The following KCNMA1 variants were observed in gnomAD, a reference collection of about 807,000 sequenced individuals.
KCNMA1 encodes the protein potassium calcium-activated channel subfamily M alpha 1.
KCNMA1 carries 29 observed loss-of-function variants against 140.0 expected under a neutral mutation model. That is an observed-to-expected ratio of 0.21 (90% CI 0.15 to 0.28). The LOEUF (loss-of-function observed/expected upper bound fraction) is 0.28. Among genes scored for constraint, KCNMA1 ranks in the 10% least tolerant of loss-of-function variants. The probability of loss-of-function intolerance (pLI) is 1.00; values close to 1 mark genes in which losing one functional copy is unlikely to be tolerated. For missense variants in KCNMA1, 880 were observed against 1,602.2 expected, an observed-to-expected ratio of 0.55 and a Z score of 7.70; for synonymous variants, 612 against 611.9, an observed-to-expected ratio of 1.00 and a Z score of 0.00.
chr10:77,493,194 A>G (rs1434407449), intron 1 of KCNMA1, among the ~76,000 whole-genome samples: 1 of 152,254 alleles, frequency 6.6e-6, no homozygotes, highest in African/African-American at 2.4e-5. Context: ...CTGGCTGCAG[A>G]TCAGGAGACC....
intron 23 of KCNMA1, among the ~76,000 whole-genome samples, chr10:76,931,073 G>C (rs548356273): frequency 2.0e-5 from 3 of 152,280 alleles, no homozygotes; most frequent in African/African-American, 7.2e-5. Flanking sequence ...GTAATGTAAA[G>C]TGTGGTGACT....
chr10:77,252,370 C>T (rs528777249), intron 2 of KCNMA1, among the ~76,000 whole-genome samples: 39 of 152,212 alleles, frequency 2.6e-4, no homozygotes, highest in Non-Finnish European at 5.0e-4. Context: ...GCTGCTAGGT[C>T]AACCTTTCCA....
chr10:76,928,443 G>A (rs956900104), intron 23 of KCNMA1, among the ~76,000 whole-genome samples: 1 of 152,184 alleles, frequency 6.6e-6, no homozygotes, highest in African/African-American at 2.4e-5. Context: ...ACTGGCCAAT[G>A]CTTGGTGTGT....
chr10:76,884,016 A>C (rs2035752717), downstream of KCNMA1: 1 of 981,558 alleles, frequency 1.0e-6, no homozygotes, highest in Admixed American at 6.1e-5. Flanking sequence ...GTGTGCCCAA[A>C]GTCCAGGAAA....
chr10:77,424,409 C>A (rs748551075), intron 1 of KCNMA1, among the ~76,000 whole-genome samples: 1 of 152,182 alleles, frequency 6.6e-6, no homozygotes, highest in Non-Finnish European at 1.5e-5. Context: ...CCCACAGTCA[C>A]AAAGTCAGTA....
At position 76,877,798 on chromosome 10, in the gene KCNMA1, G is replaced by A. The variant is rs766388591; in HGVS notation, c.3520C>T (p.Gln1174Ter). 4 of 1,584,398 alleles carry A rather than the reference G, an allele frequency of 2.5e-6. No homozygotes were observed. Among genetic ancestry groups the A allele is most frequent in the Non-Finnish European group, 3.4e-6 (4 of 1,164,296 alleles). ...ATCAAGCTGCTTGTGGATTTATATT[G>A]GTTGATCTGGTTAGCCATGTGGGTA... The change falls in exon 30 of 30, where the codon CAA becomes TAA. Residue 1174 changes from glutamine (Q) to a stop codon, truncating the protein, a stop_gained. Transcript: ENST00000372403. LOFTEE classifies it high-confidence loss of function.
In KCNMA1 at chr10:77,197,630, T is replaced by C. The variant is rs117556621; in HGVS notation, c.603-12714A>G. Among the ~76,000 whole-genome samples the C allele has an allele frequency of 4.6e-5, 7 of 152,312 alleles. No homozygotes were observed. The East Asian group carries it at 1.4e-3, about 29-fold the overall frequency. Reference sequence around the variant, plus strand: ...AATGCTCGCTGCTTTAATTCATGCATGCGTCCAGTGCTCACCACGTTCAGG... The same window carrying C: ...AATGCTCGCTGCTTTAATTCATGCACGCGTCCAGTGCTCACCACGTTCAGG... On this transcript the variant is annotated intron_variant, in intron 3 of 27. Coordinates refer to ENST00000286628, the MANE Select transcript of KCNMA1 (RefSeq NM_001161352.2).
intron 10 of KCNMA1, among the ~76,000 whole-genome samples, chr10:77,086,831 A>G (rs1270834159): frequency 1.3e-5 from 2 of 152,232 alleles, no homozygotes; most frequent in African/African-American, 2.4e-5. Context: ...TAGGAAGGCC[A>G]AGACCTCAGG....
intron 13 of KCNMA1, 48 bp from the exon 14 acceptor site, chr10:77,073,300 A>G: frequency 6.3e-7 from 1 of 1,589,404 alleles, no homozygotes; most frequent in Non-Finnish European, 8.6e-7. Flanking sequence ...TAAATGTTCA[A>G]TTGTTTAACA....
intron 3 of KCNMA1, among the ~76,000 whole-genome samples, chr10:77,193,239 T>C (rs2039222446): frequency 6.6e-6 from 1 of 152,186 alleles, no homozygotes. Flanking sequence ...CTAATGCTTG[T>C]TTTCTCCAGC....
intron 2 of KCNMA1, among the ~76,000 whole-genome samples, chr10:77,388,863 T>C (rs964300406): frequency 2.6e-5 from 4 of 152,202 alleles, no homozygotes; most frequent in African/African-American, 9.7e-5. Flanking sequence ...TTTTTTTCTG[T>C]AAGACAACAA....
At chr10:77,472,214 TAC>T (rs1286633229) in intron 1 of KCNMA1, among the ~76,000 whole-genome samples, 2 of 148,374 alleles carry the variant, frequency 1.3e-5, no homozygotes, top group Non-Finnish European at 3.0e-5. Context: ...ACACACACAC[TAC>T]ACACACACTA....
rs185555333 is a variant in KCNMA1, at chr10:77,114,483, C to A, written c.885-2041G>T. Among the ~76,000 whole-genome samples the A allele has an allele frequency of 3.3e-5, 5 of 152,348 alleles. No homozygotes were observed. In the East Asian group the frequency reaches 9.6e-4, roughly 29 times the overall value. ...AAACTCTCTCCTTCCATTGTCAACA[C>A]CTTGTGAAGTCCCAGTCTCTCCCAC... On this transcript the variant is annotated intron_variant, in intron 6 of 27. Coordinates refer to ENST00000286628, the MANE Select transcript of KCNMA1 (RefSeq NM_001161352.2).
At chr10:77,042,436 T>TGAGTCATTCATTCAGC (rs2094783595) in intron 14 of KCNMA1, among the ~76,000 whole-genome samples, 1 of 152,234 alleles carries the variant, frequency 6.6e-6, no homozygotes, top group Non-Finnish European at 1.5e-5. Context: ...TTTGTTTTAT[T>TGAGTCATTCATTCAGC]AATGAATAGG....
At chr10:77,359,712 C>A (rs968155921) in intron 2 of KCNMA1, among the ~76,000 whole-genome samples, 2 of 152,198 alleles carry the variant, frequency 1.3e-5, no homozygotes, top group African/African-American at 2.4e-5. Flanking sequence ...CCCAGTTAAC[C>A]CACAGGGTGA....
rs182984098 is a variant in KCNMA1, at chr10:77,471,207, C to A, written c.379-67184G>T. On this transcript the variant is annotated intron_variant, in intron 1 of 27. Transcript: ENST00000286628. ...ATACACACCACACATGCAACACACA[C>A]TACACAACACACATTACACACATAA... Among the ~76,000 whole-genome samples, 195 of 147,658 alleles carry A rather than the reference C, an allele frequency of 1.3e-3. 1 individual carries two copies. Among genetic ancestry groups the A allele is most frequent in the African/African-American group, 4.7e-3 (189 of 39,852 alleles).
Position 77,092,360 on chromosome 10 carries a change from T to C in KCNMA1, c.1224-1850A>G, listed in dbSNP as rs115023555. Among the ~76,000 whole-genome samples, 327 of 152,336 alleles carry C rather than the reference T, an allele frequency of 2.1e-3. 2 individuals are homozygous for C. The highest frequency in any genetic ancestry group is 7.6e-3 in the African/African-American group (315 of 41,566). ...ACGTTCTGAATAAGATTTCAGACTT[T>C]GAATTTGCCAAATATGTTTGAAGTG... On this transcript the variant is annotated intron_variant, in intron 9 of 27. Transcript: ENST00000286628.
rs1359874514 is a variant in KCNMA1, at chr10:76,889,687, G to C, written c.3343-118C>G. The stretch of plus-strand genomic sequence containing the variant: ...GTTTTGGTGTCTCCCAAGTTGGAGG[G>C]TCCATGTGCCAAGGGACGGCAGTGG... On this transcript the variant is annotated intron_variant, in intron 26 of 27. Transcript: ENST00000286628. 1.1e-5 allele frequency: 9 copies of C among 827,894 alleles called. No homozygotes were observed. In the East Asian group the frequency reaches 2.2e-4, roughly 20 times the overall value. The allele number at this position is 827,894 out of a possible 1,614,324, so 51.3% of individuals were successfully genotyped here.
chr10:77,239,061 C>T (rs965069387), intron 3 of KCNMA1, among the ~76,000 whole-genome samples: 3 of 152,202 alleles, frequency 2.0e-5, no homozygotes, highest in African/African-American at 7.2e-5. Context: ...TCACCTCGTA[C>T]CTGATAACAG....
Sources: gnomAD v4.1 joint callset for allele counts (sites outside exome capture counted in the v4.1 genomes callset) on GRCh38, gnomAD v4.1.1 for gene constraint, MANE v1.5 for transcripts, NCBI Gene and HGNC (gene_info 2026-07-23, HGNC 2026-07-21) for gene names.